Variants in GSE1 observed in about 807,000 individuals in gnomAD.
GSE1 encodes genetic suppressor element 1.
In GSE1, 32 loss-of-function variants were observed where a neutral mutation model predicts 112.6. That is an observed-to-expected ratio of 0.28 (90% CI 0.21 to 0.38). The LOEUF (loss-of-function observed/expected upper bound fraction) is 0.38, where lower values mean the gene tolerates loss of function less well. Ranked by LOEUF, GSE1 falls within the 10% of genes least tolerant of loss-of-function variation. GSE1 has a pLI of 1.00. For synonymous variants in GSE1, 1,115 were observed against 735.6 expected (o/e 1.52, Z -8.35); for missense variants, 2,348 against 1,699.2 (o/e 1.38, Z -6.71).
intron 1 of GSE1, among the ~76,000 whole-genome samples, chr16:85,246,790 C>G (rs996536536): frequency 3.3e-5 from 5 of 152,118 alleles, no homozygotes; most frequent in East Asian, 1.9e-4. Flanking sequence ...GAGCCTCCCC[C>G]CTGGATGTCT....
intron 1 of GSE1, among the ~76,000 whole-genome samples, chr16:85,182,171 C>T (rs946046818): frequency 3.9e-5 from 6 of 152,204 alleles, no homozygotes; most frequent in African/African-American, 2.4e-5. Flanking sequence ...CCCCGCCCCC[C>T]GCTGCCAGGA....
chr16:85,613,584 C>A (rs2048146793), intron 1 of GSE1, among the ~76,000 whole-genome samples, 186 bp downstream of exon 1: 1 of 151,974 alleles, frequency 6.6e-6, no homozygotes, highest in South Asian at 2.1e-4. Context: ...CTTCCTCCGC[C>A]CGCGGGTCGC....
chr16:85,495,708 G>T (rs1177874664), intron 2 of GSE1, among the ~76,000 whole-genome samples: 1 of 152,060 alleles, frequency 6.6e-6, no homozygotes, highest in Non-Finnish European at 1.5e-5. Flanking sequence ...TGTTGGCCAG[G>T]CTGGTCTCAA....
intron 1 of GSE1, among the ~76,000 whole-genome samples, chr16:85,629,509 C>G (rs888927118): frequency 1.9e-4 from 29 of 152,238 alleles, no homozygotes; most frequent in African/African-American, 6.5e-4. Context: ...CTCCTGCGGC[C>G]CTGGAGCAGG....
intron 1 of GSE1, among the ~76,000 whole-genome samples, chr16:85,628,162 C>T (rs1200822405): frequency 6.6e-6 from 1 of 152,220 alleles, no homozygotes; most frequent in Non-Finnish European, 1.5e-5. Context: ...CGCCCGGCTG[C>T]TGCGGCCCCC....
intron 1 of GSE1, among the ~76,000 whole-genome samples, chr16:85,337,368 C>T (rs1456207380): frequency 5.4e-5 from 8 of 148,734 alleles, no homozygotes; most frequent in South Asian, 2.1e-4. Context: ...TGCAGTGGCG[C>T]GATCTCGGCT....
At chr16:85,290,409 T>C (rs539342290) in intron 1 of GSE1, among the ~76,000 whole-genome samples, 3 of 152,306 alleles carry the variant, frequency 2.0e-5, no homozygotes, top group South Asian at 4.1e-4. Context: ...TCCCATCAAA[T>C]GACATGTAAG....
intron 2 of GSE1, among the ~76,000 whole-genome samples, chr16:85,466,710 AGAGG>A (rs551051030): frequency 0.011 from 954 of 87,376 alleles, 7 homozygotes; most frequent in East Asian, 0.11. Flanking sequence ...ATAGAGAGAG[AGAGG>A]GAGAGAGGGA....
intron 1 of GSE1, among the ~76,000 whole-genome samples, chr16:85,336,832 T>A (rs2046498051): frequency 6.6e-6 from 1 of 152,226 alleles, no homozygotes; most frequent in South Asian, 2.1e-4. Flanking sequence ...TGTATACATA[T>A]GTCATGCCAA....
chr16:85,335,243 G>A (rs1258431498), intron 1 of GSE1, among the ~76,000 whole-genome samples: 1 of 152,264 alleles, frequency 6.6e-6, no homozygotes, highest in Non-Finnish European at 1.5e-5. Context: ...GAGCCCGGGG[G>A]TGAGCGGCCC....
chr16:85,307,678 C>A (rs73257783), intron 1 of GSE1, among the ~76,000 whole-genome samples: 5,508 of 152,276 alleles, frequency 0.036, 326 homozygotes, highest in African/African-American at 0.12. Context: ...GCCTTGGTCA[C>A]GTGGGCACGG....
At chr16:85,443,060 A>G (rs951577253) in intron 2 of GSE1, among the ~76,000 whole-genome samples, 2 of 152,188 alleles carry the variant, frequency 1.3e-5, no homozygotes, top group Non-Finnish European at 2.9e-5. Context: ...CCCACCCTAC[A>G]GTGGCATGGT....
intron 1 of GSE1, among the ~76,000 whole-genome samples, chr16:85,601,523 TGGG>T (rs904335982): frequency 6.6e-6 from 1 of 151,178 alleles, no homozygotes; most frequent in African/African-American, 2.4e-5. Context: ...GAAATCAAGG[TGGG>T]GGGGTGACCT....
chr16:85,401,145 C>G (rs58953721), intron 2 of GSE1, among the ~76,000 whole-genome samples: 1 of 152,026 alleles, frequency 6.6e-6, no homozygotes, highest in Non-Finnish European at 1.5e-5. Context: ...GGGTGCGGTG[C>G]GGGGAGGGGC....
Position 85,675,422 on chromosome 16 carries a change from C to T in GSE1, c.*2883C>T, listed in dbSNP as rs1392936958. ...CATGATAAAATATCATGTTCCTAAT[C>T]TGTTGTCTCAGATAAGTGACCAAGA... is the stretch of plus-strand genomic sequence containing the variant. On this transcript the variant is annotated 3_prime_UTR_variant, in exon 16 of 16. Coordinates refer to ENST00000253458, the MANE Select transcript of GSE1 (RefSeq NM_014615.5). 1 of 152,230 alleles carries T rather than the reference C, an allele frequency of 6.6e-6. No homozygotes were observed. Among genetic ancestry groups the T allele is most frequent in the Admixed American group, 6.5e-5 (1 of 15,284 alleles). The allele number at this position is 152,230 out of a possible 1,614,324, so 9.4% of individuals were successfully genotyped here.
chr16:85,611,613 G>C, upstream of GSE1: 1 of 462,894 alleles, frequency 2.2e-6, no homozygotes, highest in Non-Finnish European at 2.8e-6. Context: ...CTTGTGCAAG[G>C]CGGGGGGCCG....
At chr16:85,271,966 G>T (rs1174449506) in intron 1 of GSE1, among the ~76,000 whole-genome samples, 2 of 152,226 alleles carry the variant, frequency 1.3e-5, no homozygotes, top group African/African-American at 4.8e-5. Flanking sequence ...TCTGCAGGAC[G>T]CCTTTCTGCA....
At chr16:85,637,960 G>C (rs1345778809) in intron 2 of GSE1, among the ~76,000 whole-genome samples, 1 of 152,198 alleles carries the variant, frequency 6.6e-6, no homozygotes, top group African/African-American at 2.4e-5. Flanking sequence ...AGAGCTGCAG[G>C]GGGAGGTGGC....
chr16:85,278,268 C>G (rs1016874958), intron 1 of GSE1, among the ~76,000 whole-genome samples: 5 of 152,228 alleles, frequency 3.3e-5, no homozygotes, highest in Non-Finnish European at 7.3e-5. Flanking sequence ...GAGACCCTCT[C>G]TTCTTGCTCC....
Sources: gnomAD v4.1 joint callset for allele counts (sites outside exome capture counted in the v4.1 genomes callset) on GRCh38, gnomAD v4.1.1 for gene constraint, MANE v1.5 for transcripts, NCBI Gene and HGNC (gene_info 2026-07-23, HGNC 2026-07-21) for gene names.